Variants in PPA2 observed in about 807,000 individuals in gnomAD.
PPA2 encodes inorganic pyrophosphatase 2, mitochondrial.
Under a neutral mutation model 49.5 loss-of-function variants are expected in PPA2, and 48 were observed. That is an observed-to-expected ratio of 0.97 (90% CI 0.77 to 1.23). The LOEUF (loss-of-function observed/expected upper bound fraction) is 1.23, where lower values mean the gene tolerates loss of function less well. PPA2 is among the 50% of genes most tolerant of loss of function. The pLI, the probability that PPA2 is intolerant of heterozygous loss-of-function variation, is 0.00. For missense variants in PPA2, 429 were observed against 410.1 expected, an observed-to-expected ratio of 1.05 and a Z score of -0.40; for synonymous variants, 131 against 139.9, an observed-to-expected ratio of 0.94 and a Z score of 0.45.
At chr4:105,454,320 T>C (rs1297966420) in intron 2 of PPA2, among the ~76,000 whole-genome samples, 1 of 151,668 alleles carries the variant, frequency 6.6e-6, no homozygotes. Context: ...GTTGTTGTTG[T>C]TGTTGTTGTT....
chr4:105,427,271 A>G (rs1006300084), intron 6 of PPA2, among the ~76,000 whole-genome samples: 7 of 152,212 alleles, frequency 4.6e-5, no homozygotes, highest in Non-Finnish European at 1.0e-4. Context: ...TGAAAATTCC[A>G]AAAACCAGAA....
At chr4:105,468,919 CCTCT>C (rs1723415102) in intron 1 of PPA2, among the ~76,000 whole-genome samples, 1 of 152,218 alleles carries the variant, frequency 6.6e-6, no homozygotes, top group African/African-American at 2.4e-5. Context: ...ACACCCACAA[CCTCT>C]CTGAGGTTCT....
Position 105,420,965 on chromosome 4 carries a change from AT to A in PPA2, c.655+3230del, listed in dbSNP as rs763401067. Among the ~76,000 whole-genome samples, 41 of 152,364 alleles carry A rather than the reference AT, an allele frequency of 2.7e-4. No individual in the cohort carries two copies. In the South Asian group the frequency reaches 3.5e-3, roughly 13 times the overall value. ...ACCATGAAGCAAAATAGGAAAAACAATTATACTTAACATAATTTAAACATTA... is the reference window on the plus strand; with the variant it reads ...ACCATGAAGCAAAATAGGAAAAACAATATACTTAACATAATTTAAACATTA... On this transcript the variant is annotated intron_variant, in intron 7 of 11. Transcript: ENST00000341695.
At chr4:105,370,633 A>G (rs994956564) in intron 11 of PPA2, 1 of 972,110 alleles carries the variant, frequency 1.0e-6, no homozygotes, top group Admixed American at 6.2e-5. Flanking sequence ...TCTAACCTAG[A>G]AAAGTAGTTA....
At chr4:105,401,156 C>A (rs573044895) in intron 7 of PPA2, among the ~76,000 whole-genome samples, 2 of 152,028 alleles carry the variant, frequency 1.3e-5, no homozygotes, top group Non-Finnish European at 2.9e-5. Context: ...GAAAAGCATA[C>A]ATAGATATAT....
intron 7 of PPA2, among the ~76,000 whole-genome samples, chr4:105,413,674 G>C (rs909232815): frequency 2.0e-5 from 3 of 152,040 alleles, no homozygotes; most frequent in South Asian, 4.1e-4. Flanking sequence ...TTCCAAAACA[G>C]GAGGAAGAAA....
intron 1 of PPA2, among the ~76,000 whole-genome samples, chr4:105,459,801 A>C (rs977203343): frequency 2.0e-5 from 3 of 152,260 alleles, no homozygotes; most frequent in Non-Finnish European, 4.4e-5. Flanking sequence ...CACTGTATCA[A>C]GCGAAAGAAG....
chr4:105,395,654 A>ATT (rs34740678), intron 9 of PPA2, among the ~76,000 whole-genome samples: 3 of 151,682 alleles, frequency 2.0e-5, no homozygotes, highest in East Asian at 1.9e-4. Context: ...AATTTAAATG[A>ATT]TTTTTTTAAA....
chr4:105,461,012 T>TA (rs1204938997), intron 1 of PPA2, among the ~76,000 whole-genome samples: 6 of 151,640 alleles, frequency 4.0e-5, no homozygotes. Context: ...AGAAAAAGAG[T>TA]AAAAATATAA....
At chr4:105,391,321 A>G (rs2726493) in intron 9 of PPA2, among the ~76,000 whole-genome samples, 58,265 of 139,386 alleles carry the variant, frequency 0.42, 12,697 homozygotes, top group East Asian at 0.67. Flanking sequence ...TGTTCTGCAC[A>G]TGTATCCTGG....
At chr4:105,402,445 C>T (rs564814183) in intron 7 of PPA2, among the ~76,000 whole-genome samples, 1 of 152,168 alleles carries the variant, frequency 6.6e-6, no homozygotes, top group Non-Finnish European at 1.5e-5. Flanking sequence ...GTAGGAGCAA[C>T]TCATTCAGGT....
At chr4:105,437,143 A>T (rs1369854132) in intron 6 of PPA2, among the ~76,000 whole-genome samples, 1 of 152,174 alleles carries the variant, frequency 6.6e-6, no homozygotes, top group African/African-American at 2.4e-5. Context: ...ACGAACCAAC[A>T]TTTCTCAAAA....
intron 1 of PPA2, among the ~76,000 whole-genome samples, chr4:105,471,168 T>C (rs1723507934): frequency 6.6e-6 from 1 of 152,186 alleles, no homozygotes. Flanking sequence ...TGTGTTCAAC[T>C]AAGCAGTCTG....
intron 1 of PPA2, among the ~76,000 whole-genome samples, chr4:105,467,003 TC>T (rs1326960782): frequency 1.3e-5 from 2 of 152,190 alleles, no homozygotes; most frequent in East Asian, 3.8e-4. Context: ...AAGCTGCTGA[TC>T]ACCAGCTTCA....
rs774143809 is a variant in PPA2 at position 105,473,799 on chromosome 4, G to A, written c.157+95C>T. On this transcript the variant is annotated intron_variant, in intron 1 of 11. Transcript: ENST00000341695. ...CGCTGAGGGCCCCAAAAAGAGAGAAGGGAGACCGCGCGGGGCGTCCCAAGT... is the reference window on the plus strand; with the variant it reads ...CGCTGAGGGCCCCAAAAAGAGAGAAAGGAGACCGCGCGGGGCGTCCCAAGT... 7.9e-6 allele frequency: 12 copies of A among 1,515,744 alleles called. No individual in the cohort carries two copies. In the South Asian group the frequency reaches 1.3e-4, roughly 17 times the overall value. 93.9% of individuals were successfully genotyped at this position (1,515,744 alleles called of 1,614,324 possible). A position where few individuals can be genotyped will look rare whatever the true frequency, so the allele number is the denominator to read the frequency against.
intron 1 of PPA2, among the ~76,000 whole-genome samples, chr4:105,464,601 CAT>C (rs1185668252): frequency 6.6e-6 from 1 of 152,150 alleles, no homozygotes; most frequent in Non-Finnish European, 1.5e-5. Flanking sequence ...TGAATTCCCA[CAT>C]GTTGTGGGAG....
chr4:105,398,825 T>G, intron 8 of PPA2: 1 of 424,580 alleles, frequency 2.4e-6, no homozygotes, highest in East Asian at 4.5e-5. Flanking sequence ...GACACATAGA[T>G]GGAAATATAT....
chr4:105,425,760 A>C (rs983995184), intron 6 of PPA2, among the ~76,000 whole-genome samples: 7 of 141,456 alleles, frequency 4.9e-5, no homozygotes, highest in African/African-American at 2.2e-4. Flanking sequence ...ACACACACAC[A>C]CACCCATCAG....
intron 6 of PPA2, among the ~76,000 whole-genome samples, chr4:105,433,483 G>A (rs1723909127): frequency 6.6e-6 from 1 of 152,200 alleles, no homozygotes; most frequent in Non-Finnish European, 1.5e-5. Context: ...GAGATGAGCA[G>A]ATTTATATGG....
Sources: allele counts gnomAD v4.1 joint callset (sites outside exome capture counted in the v4.1 genomes callset), GRCh38; gene constraint gnomAD v4.1.1; transcripts MANE v1.5; gene names NCBI Gene and HGNC (gene_info 2026-07-23, HGNC 2026-07-21).